The following KLF3 variants were observed in gnomAD, a reference collection of about 807,000 sequenced individuals.
The protein encoded by KLF3 is KLF transcription factor 3.
In KLF3, 6 loss-of-function variants were observed where a neutral mutation model predicts 32.7. The ratio of observed to expected loss-of-function variants is 0.18; its 90% CI spans 0.10 to 0.36. The LOEUF is 0.36. Ranked by LOEUF, KLF3 falls within the 10% of genes least tolerant of loss-of-function variation. The pLI is 1.00. For missense variants in KLF3, 338 were observed against 449.7 expected (o/e 0.75, Z 2.25); for synonymous variants, 145 against 172.8 (o/e 0.84, Z 1.26).
intron 4 of KLF3, 60 bp from the exon 5 acceptor site, chr4:38,694,686 G>A: frequency 1.4e-6 from 2 of 1,408,802 alleles, no homozygotes; most frequent in Non-Finnish European, 1.9e-6. Context: ...GCTTTTAGTA[G>A]ACTGATGAAA....
chr4:38,672,247 T>C (rs1722217841), intron 1 of KLF3, among the ~76,000 whole-genome samples: 1 of 152,198 alleles, frequency 6.6e-6, no homozygotes, highest in Admixed American at 6.5e-5. Context: ...TTATGTTAGC[T>C]CCTTAGGCTT....
At chr4:38,689,915 T>C (rs780177401) in intron 4 of KLF3, 36 bp downstream of exon 4, 3 of 1,523,536 alleles carry the variant, frequency 2.0e-6, no homozygotes, top group South Asian at 1.2e-5. Flanking sequence ...ATTTGCATAG[T>C]AGTGTGCATC....
rs542048069 is a variant in KLF3 at position 38,680,642 on chromosome 4, C to T, written c.17C>T (p.Pro6Leu). ...ACTAAAAGAATGCTCATGTTTGACC[C>T]AGTTCCTGTCAAGCAAGAGGCCATG... is the stretch of plus-strand genomic sequence containing the variant. MLMFD[P>L]VPVKQEAMDP... is the part of the protein sequence containing the mutation. Residue 6 changes from proline (P) to leucine (L), a missense_variant, in exon 2 of 6, where the codon CCA becomes CTA. By Grantham distance (98) the Pro-to-Leu change is moderately conservative. Coordinates refer to ENST00000261438, the MANE Select transcript of KLF3 (RefSeq NM_016531.6). The T allele has an allele frequency of 6.2e-7, 1 of 1,613,682 alleles. No homozygotes were observed. Among genetic ancestry groups the T allele is most frequent in the Admixed American group, 1.7e-5 (1 of 60,020 alleles).
chr4:38,696,237 G>C (rs1723043185), intron 5 of KLF3, among the ~76,000 whole-genome samples: 1 of 148,540 alleles, frequency 6.7e-6, no homozygotes, highest in Non-Finnish European at 1.5e-5. Flanking sequence ...TTCTGTACCA[G>C]GAAGCAGATA....
chr4:38,681,059 C>CAA (rs545371823), intron 2 of KLF3: 50 of 120,616 alleles, frequency 4.1e-4, no homozygotes, highest in South Asian at 7.7e-4. Context: ...AAGTCCGTCT[C>CAA]AAAAAAAAAA....
In KLF3 at chr4:38,688,743, C is replaced by T. The variant is rs377495024; in HGVS notation, c.216C>T (p.Pro72=). ...TCACGGTGAACAAGCGGAGTTCACC[C>T]CCTTCGGCTGGGAATTCGCCCTCCT... ...VDLTVNKRSS[P]PSAGNSPSSL... Residue 72 remains proline, a synonymous_variant, in exon 3 of 6, where the codon CCC becomes CCT. Coordinates refer to ENST00000261438, the MANE Select transcript of KLF3 (RefSeq NM_016531.6). The surrounding 1 kb of genome is among the most constrained non-coding windows in gnomAD (Gnocchi z 4.9). 319 of 1,614,066 alleles carry T rather than the reference C, an allele frequency of 2.0e-4. No homozygotes were observed. The highest frequency in any genetic ancestry group is 2.5e-4 in the Non-Finnish European group (300 of 1,180,046).
At chr4:38,696,894 G>A (rs1161043642) in intron 5 of KLF3, among the ~76,000 whole-genome samples, 188 bp from the exon 6 acceptor site, 1 of 152,142 alleles carries the variant, frequency 6.6e-6, no homozygotes, top group Non-Finnish European at 1.5e-5. Flanking sequence ...TTGGCAGAGA[G>A]CCAATGAAAC....
Position 38,689,854 on chromosome 4 carries a change from T to TC in KLF3, c.677dup (p.Gln227AlafsTer37). 7.3e-7 allele frequency: 1 copy of TC among 1,361,742 alleles called. No homozygotes were observed. Among genetic ancestry groups the TC allele is most frequent in the Admixed American group, 1.9e-5 (1 of 51,602 alleles). 84.4% of individuals were successfully genotyped at this position (1,361,742 alleles called of 1,614,324 possible). A position where few individuals can be genotyped will look rare whatever the true frequency, so the allele number is the denominator to read the frequency against. On this transcript the variant is annotated frameshift_variant, in exon 4 of 6. Transcript: ENST00000261438. LOFTEE classifies it high-confidence loss of function. ...GTCACCCCCCTTAATGAACTCAGTGTCCCCCCCGCAAGCATTGTTGCAAGA... is the reference window on the plus strand; with the variant it reads ...GTCACCCCCCTTAATGAACTCAGTGTCCCCCCCCGCAAGCATTGTTGCAAGA...
At chr4:38,696,318 G>T (rs951517819) in intron 5 of KLF3, among the ~76,000 whole-genome samples, 1 of 152,094 alleles carries the variant, frequency 6.6e-6, no homozygotes, top group African/African-American at 2.4e-5. Flanking sequence ...AGAACAAAGG[G>T]TGTTAAATGG....
chr4:38,692,549 C>G (rs1722904446), intron 4 of KLF3, among the ~76,000 whole-genome samples: 1 of 152,202 alleles, frequency 6.6e-6, no homozygotes, highest in Admixed American at 6.5e-5. Flanking sequence ...ATATAACCTT[C>G]TGAGATAACA....
Position 38,671,935 on chromosome 4 carries a change from G to A in KLF3, c.-40+7474G>A, listed in dbSNP as rs145195054. Among the ~76,000 whole-genome samples, 125 of 151,200 alleles carry A rather than the reference G, an allele frequency of 8.3e-4. 1 individual carries two copies. The highest frequency in any genetic ancestry group is 2.7e-3 in the African/African-American group (110 of 41,144). Reference sequence around the variant, plus strand: ...ACCTGCCTCCTCTCCTCCCTTTCTCGCTTTCTTTTTTCTATTTTAGATTTT... The same window carrying A: ...ACCTGCCTCCTCTCCTCCCTTTCTCACTTTCTTTTTTCTATTTTAGATTTT... On this transcript the variant is annotated intron_variant, in intron 1 of 5. Coordinates refer to ENST00000261438, the MANE Select transcript of KLF3 (RefSeq NM_016531.6). The surrounding 1 kb of genome is among the most constrained non-coding windows in gnomAD (Gnocchi z 4.4).
intron 5 of KLF3, 142 bp downstream of exon 5, chr4:38,695,048 G>C (rs1333282537): frequency 4.8e-5 from 35 of 722,378 alleles, no homozygotes; most frequent in Non-Finnish European, 7.7e-5. Flanking sequence ...GATTAGTTGT[G>C]CAGAATGAAG....
chr4:38,675,342 T>G (rs1722311043), intron 1 of KLF3, among the ~76,000 whole-genome samples: 1 of 152,192 alleles, frequency 6.6e-6, no homozygotes, highest in Non-Finnish European at 1.5e-5. Context: ...ATTTTTGCTT[T>G]TAAGCACCTC....
At chr4:38,680,179 G>A (rs1320454533) in intron 1 of KLF3, among the ~76,000 whole-genome samples, 1 of 151,952 alleles carries the variant, frequency 6.6e-6, no homozygotes, top group African/African-American at 2.4e-5. Flanking sequence ...GTAGAGAAGT[G>A]GGGTGAGGTA....
intron 2 of KLF3, among the ~76,000 whole-genome samples, chr4:38,687,441 A>C (rs987313708): frequency 6.6e-6 from 1 of 152,268 alleles, no homozygotes; most frequent in Non-Finnish European, 1.5e-5. Context: ...GTGTGAAATT[A>C]TGATGACTGG....
At chr4:38,678,553 A>T (rs1722419696) in intron 1 of KLF3, among the ~76,000 whole-genome samples, 1 of 152,214 alleles carries the variant, frequency 6.6e-6, no homozygotes, top group South Asian at 2.1e-4. Context: ...ATGTCGAGTT[A>T]TTGATGAAAT....
chr4:38,690,902 C>T (rs1722858574), intron 4 of KLF3, among the ~76,000 whole-genome samples: 1 of 152,062 alleles, frequency 6.6e-6, no homozygotes, highest in Non-Finnish European at 1.5e-5. Flanking sequence ...GGGTAGGTAC[C>T]TTCATAGTAG....
At chr4:38,692,732 T>G (rs1359862986) in intron 4 of KLF3, among the ~76,000 whole-genome samples, 1 of 152,102 alleles carries the variant, frequency 6.6e-6, no homozygotes, top group Non-Finnish European at 1.5e-5. Flanking sequence ...TCAGAATTAC[T>G]GCACAGAAAC....
At chr4:38,681,870 G>A (rs1222543787) in intron 2 of KLF3, among the ~76,000 whole-genome samples, 2 of 152,176 alleles carry the variant, frequency 1.3e-5, no homozygotes, top group Non-Finnish European at 2.9e-5. Context: ...AGACACGGGG[G>A]TCACGCCGAG....
Sources: gnomAD v4.1 joint callset for allele counts (sites outside exome capture counted in the v4.1 genomes callset) on GRCh38, gnomAD v4.1.1 for gene constraint, Gnocchi (gnomAD v3.1) non-coding constraint, MANE v1.5 for transcripts, NCBI Gene and HGNC (gene_info 2026-07-23, HGNC 2026-07-21) for gene names.